Variants in DIAPH3 observed in about 807,000 individuals in gnomAD.
The protein encoded by DIAPH3 is diaphanous related formin 3.
Under a neutral mutation model 144.3 loss-of-function variants are expected in DIAPH3, and 117 were observed. The observed-to-expected ratio is 0.81, with a 90% CI of 0.70 to 0.95. The LOEUF is 0.95. Among genes scored for constraint, DIAPH3 ranks in the 40% least tolerant of loss-of-function variants. DIAPH3 has a pLI of 0.00. For synonymous variants in DIAPH3, 519 were observed against 488.9 expected, an observed-to-expected ratio of 1.06 and a Z score of -0.81; for missense variants, 1,421 against 1,412.7, an observed-to-expected ratio of 1.01 and a Z score of -0.09.
intron 23 of DIAPH3, among the ~76,000 whole-genome samples, chr13:59,834,011 T>C (rs994822089): frequency 2.0e-5 from 3 of 151,198 alleles, no homozygotes; most frequent in African/African-American, 7.3e-5. Context: ...TGGTATATAA[T>C]TTCTTTATGC....
intron 27 of DIAPH3, among the ~76,000 whole-genome samples, chr13:59,737,816 C>T (rs1214104663): frequency 6.6e-6 from 1 of 152,158 alleles, no homozygotes; most frequent in Non-Finnish European, 1.5e-5. Flanking sequence ...TCTTCAAATA[C>T]ATTCTAAGTT....
chr13:60,064,368 C>T (rs2056880567), intron 4 of DIAPH3, among the ~76,000 whole-genome samples: 2 of 152,102 alleles, frequency 1.3e-5, no homozygotes, highest in African/African-American at 4.8e-5. Context: ...TTAGTGTAGC[C>T]ACCCTCATCA....
At chr13:59,709,854 A>C (rs1007394374) in intron 27 of DIAPH3, among the ~76,000 whole-genome samples, 1 of 152,198 alleles carries the variant, frequency 6.6e-6, no homozygotes, top group Non-Finnish European at 1.5e-5. Context: ...CCAAATGTCC[A>C]ACAATGATAG....
intron 27 of DIAPH3, among the ~76,000 whole-genome samples, chr13:59,760,631 C>A (rs992323315): frequency 2.0e-5 from 3 of 152,188 alleles, no homozygotes; most frequent in Admixed American, 2.0e-4. Context: ...TGTTCTGCTG[C>A]ATACATGCTT....
At chr13:60,091,798 T>C (rs974432382) in intron 4 of DIAPH3, among the ~76,000 whole-genome samples, 3 of 152,078 alleles carry the variant, frequency 2.0e-5, no homozygotes, top group Non-Finnish European at 4.4e-5. Context: ...AGTCATAAAA[T>C]ATGTTGTGTT....
chr13:59,859,685 C>T (rs1011367846), intron 22 of DIAPH3, among the ~76,000 whole-genome samples: 1 of 151,762 alleles, frequency 6.6e-6, no homozygotes, highest in Non-Finnish European at 1.5e-5. Flanking sequence ...TTTTTTTATC[C>T]CATTTGGTCA....
intron 21 of DIAPH3, among the ~76,000 whole-genome samples, chr13:59,867,549 C>T (rs1296191728): frequency 6.6e-6 from 1 of 151,918 alleles, no homozygotes; most frequent in Non-Finnish European, 1.5e-5. Flanking sequence ...CAAGAAAGTG[C>T]ATTAAATAAT....
chr13:60,095,132 G>A (rs895927826), intron 3 of DIAPH3, among the ~76,000 whole-genome samples: 6 of 152,130 alleles, frequency 3.9e-5, no homozygotes, highest in African/African-American at 1.2e-4. Flanking sequence ...GTGCCCCACA[G>A]AGAGATTCAC....
chr13:60,161,165 G>A (rs1013472468), intron 1 of DIAPH3, among the ~76,000 whole-genome samples: 5 of 152,124 alleles, frequency 3.3e-5, no homozygotes, highest in African/African-American at 7.2e-5. Context: ...TATATTACTT[G>A]TTCCCATCAA....
chr13:60,147,064 G>A (rs148958609), intron 1 of DIAPH3, among the ~76,000 whole-genome samples: 31 of 152,266 alleles, frequency 2.0e-4, no homozygotes, highest in African/African-American at 6.7e-4. Flanking sequence ...GTTAAATCAC[G>A]TTACTGGAAG....
rs1871871439 is a variant in DIAPH3, at chr13:59,992,464, G to A, written c.1125+9C>T. 8.7e-6 allele frequency: 14 copies of A among 1,600,252 alleles called. No individual in the cohort carries two copies. Among genetic ancestry groups the A allele is most frequent in the Non-Finnish European group, 1.2e-5 (14 of 1,169,568 alleles). ...TTAAATATTAATAAGGAGACTGCAG[G>A]GCACTTACTGGCAATATCTCTTTCA... is the stretch of plus-strand genomic sequence containing the variant. On this transcript the variant is annotated intron_variant, in intron 10 of 27. Coordinates refer to ENST00000400324, the MANE Select transcript of DIAPH3 (RefSeq NM_001042517.2).
At chr13:59,948,904 GGAAA>G (rs1179891073) in intron 17 of DIAPH3, among the ~76,000 whole-genome samples, 1 of 137,636 alleles carries the variant, frequency 7.3e-6, no homozygotes, top group Non-Finnish European at 1.6e-5. Context: ...AAGGAAGGAA[GGAAA>G]CTTCAACAAA....
chr13:60,021,029 G>A (rs1288582028), intron 5 of DIAPH3: 2 of 152,206 alleles, frequency 1.3e-5, no homozygotes, highest in East Asian at 1.9e-4. Flanking sequence ...GCTTGATCTT[G>A]AAAAACCACA....
At chr13:59,993,453 C>T (rs1334776472) in intron 9 of DIAPH3, among the ~76,000 whole-genome samples, 4 of 151,728 alleles carry the variant, frequency 2.6e-5, no homozygotes, top group Admixed American at 2.6e-4. Context: ...ATATGTTTAA[C>T]CTCATGCTGT....
At chr13:60,099,111 C>A (rs996347561) in intron 3 of DIAPH3, among the ~76,000 whole-genome samples, 7 of 152,028 alleles carry the variant, frequency 4.6e-5, no homozygotes, top group African/African-American at 9.7e-5. Context: ...TTAAAAAGTT[C>A]TATTAATATG....
chr13:60,149,226 C>T (rs1951670766), intron 1 of DIAPH3, among the ~76,000 whole-genome samples: 1 of 152,138 alleles, frequency 6.6e-6, no homozygotes. Flanking sequence ...AAGAGATTAA[C>T]CTCAAATAGG....
At position 59,947,087 on chromosome 13, in the gene DIAPH3, TAACCTTCATCAACC is replaced by T. The variant is rs879422970; in HGVS notation, c.2075-22231_2075-22218del. ...TGCAGAGGGCATATCTGCAACCACT[TAACCTTCATCAACC>T]AACATTCATGCATGCTCATTAACAT... is the stretch of plus-strand genomic sequence containing the variant. On this transcript the variant is annotated intron_variant, in intron 17 of 27. Transcript: ENST00000400324. Among the ~76,000 whole-genome samples the T allele has an allele frequency of 5.3e-5, 8 of 152,322 alleles. No homozygotes were observed. The East Asian group carries it at 1.4e-3, about 26-fold the overall frequency.
intron 25 of DIAPH3, among the ~76,000 whole-genome samples, chr13:59,801,347 A>G (rs935160880): frequency 6.6e-6 from 1 of 152,206 alleles, no homozygotes; most frequent in Non-Finnish European, 1.5e-5. Flanking sequence ...TCAGTGTTGG[A>G]ATGACTTTGG....
At chr13:59,668,495 G>T (rs1270912637) in intron 27 of DIAPH3, among the ~76,000 whole-genome samples, 1 of 152,144 alleles carries the variant, frequency 6.6e-6, no homozygotes, top group Non-Finnish European at 1.5e-5. Context: ...CAAAATATGG[G>T]TATAGAATAT....
Sources: gnomAD v4.1 joint callset for allele counts (sites outside exome capture counted in the v4.1 genomes callset) on GRCh38, gnomAD v4.1.1 for gene constraint, MANE v1.5 for transcripts, NCBI Gene and HGNC (gene_info 2026-07-23, HGNC 2026-07-21) for gene names.